Variants in CARM1 observed in about 807,000 individuals in gnomAD.
The protein encoded by CARM1 is coactivator associated arginine methyltransferase 1.
CARM1 carries 14 observed loss-of-function variants against 72.7 expected under a neutral mutation model. That is an observed-to-expected ratio of 0.19 (90% CI 0.13 to 0.30). CARM1 has a LOEUF of 0.30. Ranked by LOEUF, CARM1 falls within the 10% of genes least tolerant of loss-of-function variation. The pLI is 1.00. For missense variants in CARM1, 432 were observed against 833.7 expected, an observed-to-expected ratio of 0.52 and a Z score of 5.93; for synonymous variants, 333 against 345.5, an observed-to-expected ratio of 0.96 and a Z score of 0.40.
intron 1 of CARM1, among the ~76,000 whole-genome samples, chr19:10,897,759 G>A (rs994028208): frequency 1.3e-5 from 2 of 152,262 alleles, no homozygotes; most frequent in Non-Finnish European, 2.9e-5. Flanking sequence ...AGGTCGAGGT[G>A]GGTGAATCAC....
At chr19:10,911,397 C>G (rs8099866) in intron 4 of CARM1, among the ~76,000 whole-genome samples, 1 of 152,122 alleles carries the variant, frequency 6.6e-6, no homozygotes, top group Non-Finnish European at 1.5e-5. Flanking sequence ...AGGGCCATCC[C>G]GAGCCTCCTC....
At chr19:10,889,984 C>T (rs956690569) in intron 1 of CARM1, among the ~76,000 whole-genome samples, 2 of 152,150 alleles carry the variant, frequency 1.3e-5, no homozygotes, top group Non-Finnish European at 2.9e-5. Context: ...ACCTGTAAAG[C>T]TTAAACTTTA....
intron 1 of CARM1, among the ~76,000 whole-genome samples, chr19:10,892,589 G>A (rs2073996013): frequency 6.6e-6 from 1 of 152,188 alleles, no homozygotes; most frequent in African/African-American, 2.4e-5. Flanking sequence ...ATTCTCTTCC[G>A]AGGCTGGCAT....
chr19:10,906,030 C>T (rs1346656631), intron 2 of CARM1, among the ~76,000 whole-genome samples: 1 of 145,770 alleles, frequency 6.9e-6, no homozygotes, highest in Non-Finnish European at 1.5e-5. Flanking sequence ...CTCACTGCAA[C>T]CTCCACCTCC....
chr19:10,888,903 A>G (rs189659403), intron 1 of CARM1, among the ~76,000 whole-genome samples: 129 of 152,274 alleles, frequency 8.5e-4, no homozygotes, highest in African/African-American at 2.8e-3. Context: ...ACACCCCACA[A>G]CTGAGCAGAC....
chr19:10,908,200 C>T (rs149489498), intron 3 of CARM1, 55 bp downstream of exon 3: 34,003 of 1,191,448 alleles, frequency 0.029, 644 homozygotes, highest in Middle Eastern at 0.047. Flanking sequence ...CCCCCTGCCA[C>T]TCACCCGCAG....
Position 10,896,862 on chromosome 19 carries a change from A to G in CARM1, c.221-8089A>G, listed in dbSNP as rs2074027592. Among the ~76,000 whole-genome samples the G allele has an allele frequency of 1.3e-5, 2 of 152,278 alleles. No homozygotes were observed. The highest frequency in any genetic ancestry group is 1.9e-4 in the East Asian group (1 of 5,186). ...AGTGTGTCTCCATTGCCGAGTGCCT[A>G]GTGAGCAGATAGGGAAGTGGGTGGC... is the stretch of plus-strand genomic sequence containing the variant. On this transcript the variant is annotated intron_variant, in intron 1 of 15. Coordinates refer to ENST00000327064, the MANE Select transcript of CARM1 (RefSeq NM_199141.2). This position sits in a 1 kb window ranked among gnomAD's most constrained non-coding sequence, Gnocchi z 5.2.
At chr19:10,905,942 C>CCT (rs747640864) in intron 2 of CARM1, among the ~76,000 whole-genome samples, 1 of 103,444 alleles carries the variant, frequency 9.7e-6, no homozygotes, top group African/African-American at 3.9e-5. Context: ...TGCCCGGCCC[C>CCT]TTTTTTTTTT....
chr19:10,920,577 C>G lies in CARM1; in HGVS notation c.1334+4C>G. ...GTCTGCTTATTGCCAACAAAAGGTGCGACTGCTCCCTGGGGCTGGTGGTGG... is the reference window on the plus strand; with the variant it reads ...GTCTGCTTATTGCCAACAAAAGGTGGGACTGCTCCCTGGGGCTGGTGGTGG... On this transcript the variant is annotated splice_donor_region_variant and intron_variant, in intron 11 of 15. Coordinates refer to ENST00000327064, the MANE Select transcript of CARM1 (RefSeq NM_199141.2). This position sits in a 1 kb window ranked among gnomAD's most constrained non-coding sequence, Gnocchi z 5.3. The G allele has an allele frequency of 6.2e-7, 1 of 1,613,846 alleles. No individual in the cohort carries two copies. Among genetic ancestry groups the G allele is most frequent in the Non-Finnish European group, 8.5e-7 (1 of 1,179,816 alleles).
At position 10,916,828 on chromosome 19, in the gene CARM1, G is replaced by A; in HGVS notation, c.1020+51G>A. 4 of 1,311,826 alleles carry A rather than the reference G, an allele frequency of 3.0e-6. No individual in the cohort carries two copies. Among genetic ancestry groups the A allele is most frequent in the African/African-American group, 1.5e-5 (1 of 68,796 alleles). 81.3% of individuals were successfully genotyped at this position (1,311,826 alleles called of 1,614,324 possible). A position where few individuals can be genotyped will look rare whatever the true frequency, so the allele number is the denominator to read the frequency against. ...TGCAGTGATCACTTGCCATTGCTGT[G>A]CAGCTGTGCAGCCCTCAGGAAGCTA... On this transcript the variant is annotated intron_variant, in intron 8 of 15. Transcript: ENST00000327064. The surrounding 1 kb of genome is among the most constrained non-coding windows in gnomAD (Gnocchi z 4.4).
rs759177629 is a variant in CARM1, at chr19:10,915,826, G to T, written c.848-581G>T. Among the ~76,000 whole-genome samples the T allele has an allele frequency of 4.0e-4, 61 of 152,172 alleles. No individual in the cohort carries two copies. The highest frequency in any genetic ancestry group is 6.6e-4 in the Non-Finnish European group (45 of 68,010). On this transcript the variant is annotated intron_variant, in intron 6 of 15. Coordinates refer to ENST00000327064, the MANE Select transcript of CARM1 (RefSeq NM_199141.2). The surrounding 1 kb of genome is among the most constrained non-coding windows in gnomAD (Gnocchi z 4.6). ...CCCTTGAGTCACAGAGGGAGGCCCT[G>T]CCCTTCCCTCAGTCTGTGTGCCCAG...
chr19:10,895,165 C>T (rs1317588370), intron 1 of CARM1, among the ~76,000 whole-genome samples: 1 of 152,054 alleles, frequency 6.6e-6, no homozygotes, highest in Non-Finnish European at 1.5e-5. Flanking sequence ...AGGGCAGTGG[C>T]GTGATTTCTG....
chr19:10,912,621 C>T lies in CARM1; in HGVS notation c.669+327C>T, dbSNP rs538251045. 4.6e-4 allele frequency among the ~76,000 whole-genome samples: 70 copies of T among 152,096 alleles called. No homozygotes were observed. The highest frequency in any genetic ancestry group is 8.1e-4 in the Non-Finnish European group (55 of 68,012). ...CTCCTTCCCCACCCCAGCTCCCACCCCCAGCCCCATCATGAGAGAGGAGCT... is the reference window on the plus strand; with the variant it reads ...CTCCTTCCCCACCCCAGCTCCCACCTCCAGCCCCATCATGAGAGAGGAGCT... On this transcript the variant is annotated intron_variant, in intron 5 of 15. Transcript: ENST00000327064. This position sits in a 1 kb window ranked among gnomAD's most constrained non-coding sequence, Gnocchi z 4.5.
At chr19:10,907,852 T>C (rs2074116255) in intron 2 of CARM1, among the ~76,000 whole-genome samples, 187 bp from the exon 3 acceptor site, 1 of 152,248 alleles carries the variant, frequency 6.6e-6, no homozygotes, top group Non-Finnish European at 1.5e-5. Flanking sequence ...GTCACCACAG[T>C]GCAGGCATGG....
intron 1 of CARM1, among the ~76,000 whole-genome samples, chr19:10,892,332 C>T (rs533577110): frequency 7.9e-5 from 12 of 152,314 alleles, no homozygotes; most frequent in African/African-American, 2.9e-4. Context: ...GGGAAGTGCC[C>T]GTTCAGGGCC....
At chr19:10,898,118 A>G (rs1188053772) in intron 1 of CARM1, among the ~76,000 whole-genome samples, 5 of 151,338 alleles carry the variant, frequency 3.3e-5, no homozygotes, top group Non-Finnish European at 5.9e-5. Flanking sequence ...AAAAAAGAAA[A>G]AAAAAAAAAG....
chr19:10,920,526 G>A lies in CARM1; in HGVS notation c.1287G>A (p.Lys429=), dbSNP rs749229883. Residue 429 remains lysine, a synonymous_variant, in exon 11 of 16, where the codon AAG becomes AAA. Transcript: ENST00000327064. The surrounding 1 kb of genome is among the most constrained non-coding windows in gnomAD (Gnocchi z 5.3). Reference sequence around the variant, plus strand: ...TGTTCCAGTCACCACTGTTCGCCAAGGCAGGGGACACGCTCTCAGGGACAT... The same window carrying A: ...TGTTCCAGTCACCACTGTTCGCCAAAGCAGGGGACACGCTCTCAGGGACAT... The part of the protein sequence containing the change: ...RCLFQSPLFA[K]AGDTLSGTCL... The A allele has an allele frequency of 6.2e-7, 1 of 1,613,970 alleles. No homozygotes were observed. Among genetic ancestry groups the A allele is most frequent in the South Asian group, 1.1e-5 (1 of 91,080 alleles).
intron 3 of CARM1, chr19:10,908,870 G>A (rs2074124071): frequency 4.7e-6 from 2 of 425,134 alleles, no homozygotes; most frequent in African/African-American, 2.1e-5. Flanking sequence ...GGTCCAGGCG[G>A]CATCAGCTGT....
At chr19:10,913,830 A>G (rs1303606540) in intron 5 of CARM1, 47 bp from the exon 6 acceptor site, 7 of 1,581,566 alleles carry the variant, frequency 4.4e-6, no homozygotes, top group South Asian at 2.3e-5. Flanking sequence ...GGAGGGCCCC[A>G]TGGCAGGAAG....
Sources: gnomAD v4.1 joint callset for allele counts (sites outside exome capture counted in the v4.1 genomes callset) on GRCh38, gnomAD v4.1.1 for gene constraint, Gnocchi (gnomAD v3.1) non-coding constraint, MANE v1.5 for transcripts, NCBI Gene and HGNC (gene_info 2026-07-23, HGNC 2026-07-21) for gene names.